The following TMTC1 variants were observed in gnomAD, a reference collection of about 807,000 sequenced individuals.
TMTC1 encodes the protein protein O-mannosyl-transferase TMTC1.
In TMTC1, 73 loss-of-function variants were observed where a neutral mutation model predicts 104.8. That is an observed-to-expected ratio of 0.70 (90% CI 0.58 to 0.85). TMTC1 has a LOEUF of 0.85. TMTC1 is among the 40% of genes least tolerant of loss of function. The probability of loss-of-function intolerance (pLI) is 0.00; values close to 1 mark genes in which losing one functional copy is unlikely to be tolerated. For synonymous variants in TMTC1, 434 were observed against 428.7 expected, an observed-to-expected ratio of 1.01 and a Z score of -0.15; for missense variants, 1,035 against 1,096.1, an observed-to-expected ratio of 0.94 and a Z score of 0.79.
chr12:29,517,297 G>C (rs1944014307), intron 14 of TMTC1, 130 bp downstream of exon 14: 4 of 939,862 alleles, frequency 4.3e-6, no homozygotes, highest in Non-Finnish European at 6.2e-6. Flanking sequence ...TCTAACATTA[G>C]CTGTATGAAT....
intron 12 of TMTC1, chr12:29,519,348 A>T (rs1259099298): frequency 6.6e-6 from 1 of 152,226 alleles, no homozygotes; most frequent in Non-Finnish European, 1.5e-5. Context: ...AGATATAGAC[A>T]CTAAAGTGCA....
chr12:29,702,070 A>G (rs1462821126), intron 5 of TMTC1, among the ~76,000 whole-genome samples: 2 of 152,208 alleles, frequency 1.3e-5, no homozygotes, highest in African/African-American at 4.8e-5. Context: ...AATATATACT[A>G]TAATTTATTT....
At chr12:29,662,666 CAAAAAAAAAAA>C (rs35610791) in intron 5 of TMTC1, among the ~76,000 whole-genome samples, 1 of 86,608 alleles carries the variant, frequency 1.2e-5, no homozygotes, top group Non-Finnish European at 2.3e-5. Context: ...GACTCCGTCT[CAAAAAAAAAAA>C]AAAAAAAAAA....
At chr12:29,597,740 T>C (rs926531241) in intron 7 of TMTC1, among the ~76,000 whole-genome samples, 1 of 152,106 alleles carries the variant, frequency 6.6e-6, no homozygotes, top group Non-Finnish European at 1.5e-5. Context: ...CAAGGGACCT[T>C]AGAGATCATG....
At position 29,555,589 on chromosome 12, in the gene TMTC1, C is replaced by A. The variant is rs551506991; in HGVS notation, c.1676+1268G>T. ...AACGTGTGGTGTTTGGTTTTCTGTTCCTGTGTTAGTTTGCTGAGAATGATG... is the reference window on the plus strand; with the variant it reads ...AACGTGTGGTGTTTGGTTTTCTGTTACTGTGTTAGTTTGCTGAGAATGATG... On this transcript the variant is annotated intron_variant, in intron 10 of 17. Coordinates refer to ENST00000539277, the MANE Select transcript of TMTC1 (RefSeq NM_001193451.2). Among the ~76,000 whole-genome samples, 13 of 151,992 alleles carry A rather than the reference C, an allele frequency of 8.6e-5. No homozygotes were observed. The South Asian group carries it at 2.7e-3, about 32-fold the overall frequency.
chr12:29,676,287 C>A (rs530127688), intron 5 of TMTC1, among the ~76,000 whole-genome samples: 1 of 152,218 alleles, frequency 6.6e-6, no homozygotes, highest in South Asian at 2.1e-4. Context: ...ATGTAACTTT[C>A]TTTTACTACC....
intron 7 of TMTC1, among the ~76,000 whole-genome samples, chr12:29,583,782 G>A (rs1946050447): frequency 1.3e-5 from 2 of 152,138 alleles, no homozygotes; most frequent in Admixed American, 1.3e-4. Context: ...AATATTTCTT[G>A]CTATTTCTTC....
chr12:29,756,436 A>C (rs1170274661), intron 3 of TMTC1, among the ~76,000 whole-genome samples: 1 of 152,266 alleles, frequency 6.6e-6, no homozygotes, highest in African/African-American at 2.4e-5. Context: ...TACATAAAAC[A>C]AAGTTGCCAG....
At chr12:29,719,699 T>C (rs1942182080) in intron 5 of TMTC1, among the ~76,000 whole-genome samples, 1 of 152,230 alleles carries the variant, frequency 6.6e-6, no homozygotes, top group Non-Finnish European at 1.5e-5. Flanking sequence ...ACGGACTTTT[T>C]AGAAAGCTCA....
intron 11 of TMTC1, among the ~76,000 whole-genome samples, chr12:29,527,690 C>T (rs1350922732): frequency 6.6e-6 from 1 of 152,216 alleles, no homozygotes; most frequent in East Asian, 1.9e-4. Flanking sequence ...AAGTCAATTA[C>T]ACCACTATTA....
intron 5 of TMTC1, among the ~76,000 whole-genome samples, chr12:29,706,173 A>G (rs1364023081): frequency 1.3e-5 from 2 of 152,174 alleles, no homozygotes; most frequent in African/African-American, 2.4e-5. Context: ...TGGCACACAA[A>G]CAAGGCTACC....
intron 5 of TMTC1, among the ~76,000 whole-genome samples, chr12:29,664,638 T>C (rs1441617085): frequency 6.6e-6 from 1 of 152,228 alleles, no homozygotes; most frequent in African/African-American, 2.4e-5. Flanking sequence ...GATTTGAGTG[T>C]AGTAACTTAT....
intron 5 of TMTC1, among the ~76,000 whole-genome samples, chr12:29,745,430 C>G (rs1305996703): frequency 3.3e-5 from 5 of 152,088 alleles, no homozygotes; most frequent in African/African-American, 1.2e-4. Context: ...CAAGACCAAC[C>G]CGGCCAACAT....
intron 7 of TMTC1, among the ~76,000 whole-genome samples, chr12:29,600,541 A>C (rs1253137903): frequency 1.3e-5 from 2 of 152,228 alleles, no homozygotes; most frequent in African/African-American, 4.8e-5. Context: ...GCTCCCTTGC[A>C]GTTTTAGTTA....
chr12:29,543,200 T>C (rs1944849577), intron 10 of TMTC1, among the ~76,000 whole-genome samples: 1 of 152,232 alleles, frequency 6.6e-6, no homozygotes, highest in Non-Finnish European at 1.5e-5. Context: ...TGGGACTGTT[T>C]TTCCTGTGTG....
At chr12:29,520,152 T>C (rs1209323041) in intron 12 of TMTC1, among the ~76,000 whole-genome samples, 1 of 152,212 alleles carries the variant, frequency 6.6e-6, no homozygotes, top group African/African-American at 2.4e-5. Flanking sequence ...TATAAGAGCA[T>C]TGTATCAATT....
At chr12:29,741,683 C>G (rs569072347) in intron 5 of TMTC1, among the ~76,000 whole-genome samples, 1 of 152,312 alleles carries the variant, frequency 6.6e-6, no homozygotes, top group Admixed American at 6.5e-5. Context: ...CAAAACTAAT[C>G]AGTGACTTTC....
chr12:29,640,753 C>A (rs987487573), intron 5 of TMTC1: 1 of 152,250 alleles, frequency 6.6e-6, no homozygotes, highest in African/African-American at 2.4e-5. Context: ...ACAGTTTGAA[C>A]GGGGTGAGAA....
chr12:29,710,670 T>C (rs922675851), intron 5 of TMTC1, among the ~76,000 whole-genome samples: 73 of 141,474 alleles, frequency 5.2e-4, no homozygotes, highest in African/African-American at 1.7e-3. Context: ...ATTATTTTTA[T>C]ATTTATATAT....
Sources: gnomAD v4.1 joint callset for allele counts (sites outside exome capture counted in the v4.1 genomes callset) on GRCh38, gnomAD v4.1.1 for gene constraint, MANE v1.5 for transcripts, NCBI Gene and HGNC (gene_info 2026-07-23, HGNC 2026-07-21) for gene names.